Variants in MUC17 observed in about 807,000 individuals in gnomAD.
The protein encoded by MUC17 is mucin 17, cell surface associated.
MUC17 carries 190 observed loss-of-function variants against 170.3 expected under a neutral mutation model. That is an observed-to-expected ratio of 1.12 (90% CI 0.99 to 1.26). The LOEUF is 1.26. Ranked by LOEUF, MUC17 falls within the 50% of genes most tolerant of loss-of-function variation. The probability of loss-of-function intolerance (pLI) is 0.00; values close to 1 mark genes in which losing one functional copy is unlikely to be tolerated. For missense variants in MUC17, 6,415 were observed against 5,530.0 expected, an observed-to-expected ratio of 1.16 and a Z score of -5.08; for synonymous variants, 2,325 against 2,002.5, an observed-to-expected ratio of 1.16 and a Z score of -4.30.
Position 101,036,573 on chromosome 7 carries a change from A to T in MUC17, c.5157A>T (p.Thr1719=). 1.9e-6 allele frequency: 3 copies of T among 1,612,272 alleles called. No homozygotes were observed. Among genetic ancestry groups the T allele is most frequent in the Non-Finnish European group, 2.5e-6 (3 of 1,179,356 alleles). The change falls in exon 3 of 13, where the codon ACA becomes ACT. Residue 1719 remains threonine (T), a synonymous_variant. Coordinates refer to ENST00000306151, the MANE Select transcript of MUC17 (RefSeq NM_001040105.2). ...TLSTTPVDNS[T]PVTTSTEARS... ...CAACAACTCCCGTTGACAACAGCAC[A>T]CCTGTGACCACTTCTACTGAAGCCC...
intron 11 of MUC17, among the ~76,000 whole-genome samples, chr7:101,054,439 T>G (rs1424359288): frequency 6.6e-6 from 1 of 152,150 alleles, no homozygotes; most frequent in Non-Finnish European, 1.5e-5. Context: ...ATATGTGGAA[T>G]GAGAAATTTC....
chr7:101,038,293 A>T lies in MUC17; in HGVS notation c.6877A>T (p.Asn2293Tyr), dbSNP rs370654592. The change falls in exon 3 of 13, where the codon AAT (asparagine) becomes TAT (tyrosine). Residue 2293 changes from asparagine to tyrosine, a missense_variant. Coordinates refer to ENST00000306151, the MANE Select transcript of MUC17 (RefSeq NM_001040105.2). ...ACCTGTCAGCCACACGCTGGTGGCC[A>T]ATTCTGAGGTTAGCACCCTTTCAAC... ...SIPVSHTLVA[N>Y]SEVSTLSTTP... is the part of the protein sequence containing the mutation. 1.5e-5 allele frequency: 24 copies of T among 1,613,744 alleles called. No individual in the cohort carries two copies. The highest frequency in any genetic ancestry group is 1.9e-5 in the Non-Finnish European group (23 of 1,179,826).
chr7:101,026,881 A>AT (rs545851890), intron 1 of MUC17, among the ~76,000 whole-genome samples: 36 of 151,808 alleles, frequency 2.4e-4, no homozygotes, highest in African/African-American at 8.7e-4. Flanking sequence ...TGCCCAGCTA[A>AT]TTTTTTTTAT....
At chr7:101,057,102 C>A (rs1359555174) in intron 12 of MUC17, among the ~76,000 whole-genome samples, 1 of 152,106 alleles carries the variant, frequency 6.6e-6, no homozygotes, top group Non-Finnish European at 1.5e-5. Context: ...GTTCTAGAGG[C>A]TTAACTGGAA....
chr7:101,056,936 A>AT (rs1163986617), intron 12 of MUC17, among the ~76,000 whole-genome samples: 1 of 151,850 alleles, frequency 6.6e-6, no homozygotes, highest in African/African-American at 2.4e-5. Flanking sequence ...GGGCTCCTAC[A>AT]TTTTTTAACA....
rs148536035 is a variant in MUC17 at position 101,032,577 on chromosome 7, T to A, written c.1161T>A (p.Thr387=). 8.4e-5 allele frequency: 135 copies of A among 1,613,950 alleles called. No homozygotes were observed. Among genetic ancestry groups the A allele is most frequent in the South Asian group, 7.6e-4 (69 of 91,078 alleles). The part of the protein sequence containing the change: ...TAEATSMLTS[T]LSEGSTPLTN... ...AAGCTACCAGCATGCTAACCTCAAC[T>A]CTTAGTGAAGGAAGCACTCCATTAA... Residue 387 remains threonine (T), a synonymous_variant, in exon 3 of 13, where the codon ACT becomes ACA. Transcript: ENST00000306151.
chr7:101,043,718 G>A lies in MUC17; in HGVS notation c.12302G>A (p.Arg4101Gln), dbSNP rs986544449. ...TMTTRTKPST[R>Q]TTSFPTVTTT... ...ACCACCAGGACAAAACCCAGCACAC[G>A]GACCACTTCCTTCCCCACGGTGACC... is the stretch of plus-strand genomic sequence containing the variant. Residue 4101 changes from arginine (R) to glutamine (Q), a missense_variant, in exon 3 of 13, where the codon CGG becomes CAG. Physicochemically the swap from Arg to Gln is conservative, Grantham distance 43. Transcript: ENST00000306151. 4.3e-6 allele frequency: 7 copies of A among 1,613,948 alleles called. No homozygotes were observed. Among genetic ancestry groups the A allele is most frequent in the Non-Finnish European group, 4.2e-6 (5 of 1,179,996 alleles).
chr7:101,032,199 A>G lies in MUC17; in HGVS notation c.783A>G (p.Glu261=). The change falls in exon 3 of 13, where the codon GAA becomes GAG. Residue 261 remains glutamate, a synonymous_variant. Coordinates refer to ENST00000306151, the MANE Select transcript of MUC17 (RefSeq NM_001040105.2). ...CCAGTTCATCTCCTACAACTGCTGAAGGTCCCAGCCTGTCAAACTCAGCTC... is the reference window on the plus strand; with the variant it reads ...CCAGTTCATCTCCTACAACTGCTGAGGGTCCCAGCCTGTCAAACTCAGCTC... ...AQASSSPTTA[E]GPSLSNSAPS... is the part of the protein sequence containing the mutation. 2.5e-6 allele frequency: 4 copies of G among 1,614,216 alleles called. No homozygotes were observed. Among genetic ancestry groups the G allele is most frequent in the Non-Finnish European group, 3.4e-6 (4 of 1,180,012 alleles).
chr7:101,032,268 G>A lies in MUC17; in HGVS notation c.852G>A (p.Val284=), dbSNP rs1235954974. 2 of 1,613,482 alleles carry A rather than the reference G, an allele frequency of 1.2e-6. No individual in the cohort carries two copies. The highest frequency in any genetic ancestry group is 1.7e-5 in the Admixed American group (1 of 59,968). Residue 284 remains valine, a synonymous_variant, in exon 3 of 13, where the codon GTG becomes GTA. Transcript: ENST00000306151. The part of the protein sequence containing the change: ...STPLTRMPLS[V]MLVVSSEAST... ...CATTAACAAGAATGCCTCTCAGCGT[G>A]ATGCTGGTGGTCAGTTCTGAGGCTA...
chr7:101,036,956 C>T lies in MUC17; in HGVS notation c.5540C>T (p.Ser1847Leu), dbSNP rs1315933138. 6.3e-7 allele frequency: 1 copy of T among 1,583,950 alleles called. No homozygotes were observed. The highest frequency in any genetic ancestry group is 1.5e-5 in the African/African-American group (1 of 68,830). ...GTGGTCACTTCTACAGCAGTCAGTTCATCTCCTACACCTGCTGAAGGTACC... is the reference window on the plus strand; with the variant it reads ...GTGGTCACTTCTACAGCAGTCAGTTTATCTCCTACACCTGCTGAAGGTACC... ...SPVVTSTAVS[S>L]SPTPAEGTSI... is the part of the protein sequence containing the mutation. The change falls in exon 3 of 13, where the codon TCA (serine) becomes TTA (leucine). Residue 1847 changes from serine (S) to leucine (L), a missense_variant. Transcript: ENST00000306151.
At chr7:101,027,291 A>G (rs1201400526) in intron 1 of MUC17, among the ~76,000 whole-genome samples, 1 of 152,096 alleles carries the variant, frequency 6.6e-6, no homozygotes, top group East Asian at 1.9e-4. Context: ...CCCAGCCCTA[A>G]TTTTTATATT....
At position 101,032,272 on chromosome 7, in the gene MUC17, C is replaced by T. The variant is rs974740515; in HGVS notation, c.856C>T (p.Leu286=). ...PLTRMPLSVM[L]VVSSEASTLS... ...AACAAGAATGCCTCTCAGCGTGATG[C>T]TGGTGGTCAGTTCTGAGGCTAGCAC... Residue 286 remains leucine (L), a synonymous_variant, in exon 3 of 13, where the codon CTG becomes TTG. Coordinates refer to ENST00000306151, the MANE Select transcript of MUC17 (RefSeq NM_001040105.2). 3.7e-6 allele frequency: 6 copies of T among 1,613,582 alleles called. 1 individual carries two copies. Among genetic ancestry groups the T allele is most frequent in the Admixed American group, 3.3e-5 (2 of 59,980 alleles).
rs749888541 is a variant in MUC17, at chr7:101,056,225, T to C, written c.13395T>C (p.Tyr4465=). The change falls in exon 12 of 13, where the codon TAT becomes TAC. Residue 4465 remains tyrosine, a synonymous_variant. Transcript: ENST00000306151. ...ATTCCATCCACCTGGAGTCCATCTATAGTAATTTCCAGCCCTCCTTGAGAC... is the reference window on the plus strand; with the variant it reads ...ATTCCATCCACCTGGAGTCCATCTACAGTAATTTCCAGCCCTCCTTGAGAC... The part of the protein sequence containing the change: ...DDDSIHLESI[Y]SNFQPSLRHI... The C allele has an allele frequency of 5.0e-6, 8 of 1,614,026 alleles. No homozygotes were observed. In the South Asian group the frequency reaches 7.7e-5, roughly 16 times the overall value.
chr7:101,048,939 A>G lies in MUC17; in HGVS notation c.12630A>G (p.Glu4210=). The G allele has an allele frequency of 6.2e-7, 1 of 1,614,162 alleles. No individual in the cohort carries two copies. Among genetic ancestry groups the G allele is most frequent in the Non-Finnish European group, 8.5e-7 (1 of 1,180,020 alleles). The change falls in exon 5 of 13, where the codon GAA becomes GAG. Residue 4210 remains glutamate, a synonymous_variant. Transcript: ENST00000306151. ...TEELKNHSSQ[E]FQEFKQTFTE... is the part of the protein sequence containing the mutation. ...AGCTAAAAAACCACTCTTCCCAGGA[A>G]TTCCAGGAGTTCAAACAGACATTCA...
At chr7:101,026,735 C>T (rs954690930) in intron 1 of MUC17, among the ~76,000 whole-genome samples, 1 of 152,134 alleles carries the variant, frequency 6.6e-6, no homozygotes, top group Admixed American at 6.5e-5. Context: ...GAGGTAAGCA[C>T]CACCACGCCC....
In MUC17 at chr7:101,043,700, G is replaced by T. The variant is rs769630413; in HGVS notation, c.12284G>T (p.Arg4095Met). 1 of 1,614,082 alleles carries T rather than the reference G, an allele frequency of 6.2e-7. No individual in the cohort carries two copies. The highest frequency in any genetic ancestry group is 1.1e-5 in the South Asian group (1 of 91,080). The change falls in exon 3 of 13, where the codon AGG becomes ATG. Residue 4095 changes from arginine (R) to methionine (M), a missense_variant. Arg to Met is a moderately conservative substitution (Grantham distance 91, BLOSUM62 -1). Coordinates refer to ENST00000306151, the MANE Select transcript of MUC17 (RefSeq NM_001040105.2). ...NPEAVTTMTTRTKPSTRTTSF... is the reference protein window; with the variant it reads ...NPEAVTTMTTMTKPSTRTTSF... ...GAGGCTGTCACCACCATGACCACCAGGACAAAACCCAGCACACGGACCACT... is the reference window on the plus strand; with the variant it reads ...GAGGCTGTCACCACCATGACCACCATGACAAAACCCAGCACACGGACCACT...
At position 101,037,885 on chromosome 7, in the gene MUC17, A is replaced by T. The variant is rs1368759205; in HGVS notation, c.6469A>T (p.Ser2157Cys). Residue 2157 changes from serine (S) to cysteine (C), a missense_variant, in exon 3 of 13, where the codon AGT (serine) becomes TGT (cysteine). Coordinates refer to ENST00000306151, the MANE Select transcript of MUC17 (RefSeq NM_001040105.2). The stretch of plus-strand genomic sequence containing the variant: ...TACCAGCATGCAAACCTCAACTTAT[A>T]GTGACAGAAGAACTCCTTTAACAAG... ...EGTSMQTSTY[S>C]DRRTPLTSMP... 6.2e-7 allele frequency: 1 copy of T among 1,610,626 alleles called. No homozygotes were observed. The highest frequency in any genetic ancestry group is 1.3e-5 in the African/African-American group (1 of 74,668).
chr7:101,042,843 G>A lies in MUC17; in HGVS notation c.11427G>A (p.Thr3809=), dbSNP rs760165554. 6.2e-6 allele frequency: 10 copies of A among 1,613,944 alleles called. No homozygotes were observed. The highest frequency in any genetic ancestry group is 5.0e-5 in the Admixed American group (3 of 59,986). ...EGTTTMPMST[T]SERSTLLTTV... ...CCACCACCATGCCTATGTCAACTAC[G>A]AGTGAAAGAAGCACTTTATTGACAA... The change falls in exon 3 of 13, where the codon ACG becomes ACA. Residue 3809 remains threonine, a synonymous_variant. Transcript: ENST00000306151.
rs749138879 is a variant in MUC17 at position 101,039,467 on chromosome 7, C to A, written c.8051C>A (p.Thr2684Asn). 4.4e-5 allele frequency: 71 copies of A among 1,610,372 alleles called. No homozygotes were observed. The South Asian group carries it at 7.2e-4, about 16-fold the overall frequency. ...ACTGCTGAAGGTAGCAGCATGCCAA[C>A]CTCAACTCCTGGTGAAAGAAGCACT... ...PTTAEGSSMP[T>N]STPGERSTPL... is the part of the protein sequence containing the mutation. Residue 2684 changes from threonine to asparagine, a missense_variant, in exon 3 of 13, where the codon ACC becomes AAC. By Grantham distance (65) the Thr-to-Asn change is moderately conservative. Coordinates refer to ENST00000306151, the MANE Select transcript of MUC17 (RefSeq NM_001040105.2).
Sources: gnomAD v4.1 joint callset for allele counts (sites outside exome capture counted in the v4.1 genomes callset) on GRCh38, gnomAD v4.1.1 for gene constraint, MANE v1.5 for transcripts, NCBI Gene and HGNC (gene_info 2026-07-23, HGNC 2026-07-21) for gene names.